Variants in CREB1 observed in about 807,000 individuals in gnomAD.
CREB1 encodes cAMP responsive element binding protein 1, also known as cyclic AMP-responsive element-binding protein 1.
A neutral mutation model predicts 42.0 loss-of-function variants in CREB1; 2 were observed. The observed-to-expected ratio is 0.05, with a 90% CI of 0.02 to 0.15. CREB1 has a LOEUF of 0.15. CREB1 is among the 10% of genes least tolerant of loss of function. The probability of loss-of-function intolerance (pLI) is 1.00; values close to 1 mark genes in which losing one functional copy is unlikely to be tolerated. For synonymous variants in CREB1, 123 were observed against 139.9 expected, an observed-to-expected ratio of 0.88 and a Z score of 0.85; for missense variants, 199 against 388.9, an observed-to-expected ratio of 0.51 and a Z score of 4.11.
chr2:207,587,219 CCTT>C (rs936936590), intron 7 of CREB1, among the ~76,000 whole-genome samples: 21 of 151,986 alleles, frequency 1.4e-4, no homozygotes, highest in African/African-American at 4.1e-4. Context: ...CGGTGAAACT[CCTT>C]CTTTACTAAA....
intron 7 of CREB1, chr2:207,581,276 T>A (rs1251015724): frequency 5.1e-6 from 1 of 197,150 alleles, no homozygotes; most frequent in Non-Finnish European, 1.0e-5. Flanking sequence ...GGGTAAAAAA[T>A]TTGAAAAATT....
At chr2:207,559,927 CA>C (rs1197234750) in intron 2 of CREB1, among the ~76,000 whole-genome samples, 1 of 152,046 alleles carries the variant, frequency 6.6e-6, no homozygotes, top group Non-Finnish European at 1.5e-5. Flanking sequence ...AAGTGCCATA[CA>C]AATAAAGTGA....
chr2:207,560,164 G>A (rs2106480134), intron 2 of CREB1, 62 bp from the exon 3 acceptor site: 1 of 1,420,302 alleles, frequency 7.0e-7, no homozygotes, highest in Admixed American at 2.3e-5. Flanking sequence ...ATTTCATATT[G>A]AACATGAGTA....
intron 7 of CREB1, among the ~76,000 whole-genome samples, chr2:207,579,043 T>A (rs2082721235): frequency 6.6e-6 from 1 of 152,052 alleles, no homozygotes; most frequent in African/African-American, 2.4e-5. Flanking sequence ...TCCTCGGACT[T>A]CCAAAGTGCT....
chr2:207,577,847 T>C (rs2082655716), intron 7 of CREB1, 192 bp downstream of exon 7: 1 of 616,176 alleles, frequency 1.6e-6, no homozygotes, highest in East Asian at 3.1e-5. Flanking sequence ...TGATTATGGG[T>C]CAATCTTTGA....
At chr2:207,535,768 C>T (rs1275645706) in intron 1 of CREB1, among the ~76,000 whole-genome samples, 4 of 151,130 alleles carry the variant, frequency 2.6e-5, no homozygotes, top group Admixed American at 2.0e-4. Flanking sequence ...TCTAGCTTTT[C>T]GAAACAGCAT....
chr2:207,586,473 CA>C (rs1381582988), intron 7 of CREB1, among the ~76,000 whole-genome samples: 1 of 152,124 alleles, frequency 6.6e-6, no homozygotes, highest in Non-Finnish European at 1.5e-5. Flanking sequence ...TAGAAGAAAA[CA>C]TGGGGGAAAT....
chr2:207,563,515 A>G (rs948282617), intron 3 of CREB1, among the ~76,000 whole-genome samples: 1 of 152,246 alleles, frequency 6.6e-6, no homozygotes, highest in African/African-American at 2.4e-5. Context: ...AATGAAAATG[A>G]TTATTTAGTA....
chr2:207,530,909 C>T (rs2080590605), intron 1 of CREB1, among the ~76,000 whole-genome samples: 1 of 151,304 alleles, frequency 6.6e-6, no homozygotes, highest in Non-Finnish European at 1.5e-5. Context: ...CCCTGTGTTG[C>T]TTAGTTGAGA....
At chr2:207,532,277 C>G (rs72956021) in intron 1 of CREB1, among the ~76,000 whole-genome samples, 10 of 150,268 alleles carry the variant, frequency 6.7e-5, no homozygotes, top group Admixed American at 4.6e-4. Flanking sequence ...GAATTGAGAT[C>G]GTGCCATGCA....
At chr2:207,561,518 C>T (rs1413658773) in intron 3 of CREB1, among the ~76,000 whole-genome samples, 1 of 152,132 alleles carries the variant, frequency 6.6e-6, no homozygotes, top group Non-Finnish European at 1.5e-5. Context: ...ACCTAGTGAT[C>T]CCGGGTAAAC....
At chr2:207,555,172 G>A (rs1314917270) in intron 1 of CREB1, among the ~76,000 whole-genome samples, 3 of 152,084 alleles carry the variant, frequency 2.0e-5, no homozygotes, top group African/African-American at 7.2e-5. Context: ...CTTCTTATGG[G>A]GGGAAATACC....
chr2:207,557,613 G>T (rs554160349), intron 2 of CREB1, among the ~76,000 whole-genome samples: 2 of 151,922 alleles, frequency 1.3e-5, no homozygotes, highest in Non-Finnish European at 2.9e-5. Context: ...ACCCGAGACC[G>T]CACCACTGCA....
At chr2:207,553,044 G>A (rs1046074460) in intron 1 of CREB1, among the ~76,000 whole-genome samples, 2 of 146,312 alleles carry the variant, frequency 1.4e-5, no homozygotes, top group Admixed American at 6.9e-5. Context: ...TGAAAATTAC[G>A]GATAACTTAC....
intron 2 of CREB1, among the ~76,000 whole-genome samples, chr2:207,558,509 T>C (rs1421265924): frequency 6.6e-6 from 1 of 152,178 alleles, no homozygotes; most frequent in Admixed American, 6.5e-5. Context: ...CTCGTTCCCA[T>C]CTCTACTACT....
Position 207,577,926 on chromosome 2 carries a change from A to C in CREB1, c.839+271A>C, listed in dbSNP as rs1255761813. ...TAATGCACAACTTCCCTATGTCTGCACTCCAACCAGTTAGCCAGGTTATTT... is the reference window on the plus strand; with the variant it reads ...TAATGCACAACTTCCCTATGTCTGCCCTCCAACCAGTTAGCCAGGTTATTT... On this transcript the variant is annotated intron_variant, in intron 7 of 7. Transcript: ENST00000353267. 7.1e-6 allele frequency: 3 copies of C among 421,576 alleles called. No individual in the cohort carries two copies. The East Asian group carries it at 1.5e-4, about 21-fold the overall frequency. 26.1% of individuals were successfully genotyped at this position (421,576 alleles called of 1,614,324 possible).
In CREB1 at chr2:207,598,975, T is replaced by G. The variant is rs957667980; in HGVS notation, c.*1917T>G. 5.4e-6 allele frequency: 1 copy of G among 185,770 alleles called. No individual in the cohort carries two copies. Among genetic ancestry groups the G allele is most frequent in the Non-Finnish European group, 1.1e-5 (1 of 87,996 alleles). The allele number at this position is 185,770 out of a possible 1,614,324, so 11.5% of individuals were successfully genotyped here. A position where few individuals can be genotyped will look rare whatever the true frequency, so the allele number is the denominator to read the frequency against. On this transcript the variant is annotated 3_prime_UTR_variant, in exon 8 of 8. Transcript: ENST00000353267. ...GTCAAGCTTGTTTAACAACAAAATA[T>G]GAAGATTTAAGTGTTAATTGCTGGA...
intron 7 of CREB1, among the ~76,000 whole-genome samples, chr2:207,595,616 G>A (rs1448096799): frequency 6.6e-6 from 1 of 152,026 alleles, no homozygotes; most frequent in African/African-American, 2.4e-5. Context: ...AGGTTGGAAT[G>A]CAGGTGGCAG....
chr2:207,591,419 G>GTTGGT (rs1239931842), intron 7 of CREB1, among the ~76,000 whole-genome samples: 3 of 152,074 alleles, frequency 2.0e-5, no homozygotes, highest in Non-Finnish European at 4.4e-5. Context: ...AACTACCCCA[G>GTTGGT]TTGGTTTGTT....
Sources: gnomAD v4.1 joint callset for allele counts (sites outside exome capture counted in the v4.1 genomes callset) on GRCh38, gnomAD v4.1.1 for gene constraint, MANE v1.5 for transcripts, NCBI Gene and HGNC (gene_info 2026-07-23, HGNC 2026-07-21) for gene names.